The following KCNH5 variants were observed in gnomAD, a reference collection of about 807,000 sequenced individuals.
The protein encoded by KCNH5 is voltage-gated delayed rectifier potassium channel KCNH5.
KCNH5 carries 46 observed loss-of-function variants against 96.1 expected under a neutral mutation model. That is an observed-to-expected ratio of 0.48 (90% CI 0.38 to 0.61). KCNH5 has a LOEUF of 0.61. KCNH5 is among the 20% of genes least tolerant of loss of function. KCNH5 has a pLI of 0.00. For missense variants in KCNH5, 907 were observed against 1,225.8 expected, an observed-to-expected ratio of 0.74 and a Z score of 3.88; for synonymous variants, 439 against 449.8, an observed-to-expected ratio of 0.98 and a Z score of 0.30.
chr14:62,758,640 C>T (rs1172517704), intron 10 of KCNH5, among the ~76,000 whole-genome samples: 2 of 152,058 alleles, frequency 1.3e-5, no homozygotes, highest in Admixed American at 6.5e-5. Flanking sequence ...GAAGTGCTGG[C>T]GTAGAAAGAG....
intron 7 of KCNH5, among the ~76,000 whole-genome samples, chr14:62,916,951 G>C (rs781565022): frequency 6.6e-6 from 1 of 152,156 alleles, no homozygotes; most frequent in African/African-American, 2.4e-5. Context: ...TGACTGAGAA[G>C]AATCCTGAAA....
At chr14:62,721,622 AT>A (rs568494279) in intron 10 of KCNH5, among the ~76,000 whole-genome samples, 3 of 151,782 alleles carry the variant, frequency 2.0e-5, no homozygotes, top group Admixed American at 6.6e-5. Context: ...TTCTTAACAT[AT>A]TTTTTTTAAT....
At position 63,039,921 on chromosome 14, in the gene KCNH5, G is replaced by C. The variant is rs3910327; in HGVS notation, c.73+5193C>G. ...GGGGGAAGGGGGAGGTGGGAGAACA[G>C]AAAAAGAGAAAAATATTAACTACTT... On this transcript the variant is annotated intron_variant, in intron 1 of 10. Coordinates refer to ENST00000322893, the MANE Select transcript of KCNH5 (RefSeq NM_139318.5). 2.0e-5 allele frequency among the ~76,000 whole-genome samples: 3 copies of C among 151,730 alleles called. No homozygotes were observed. In the East Asian group the frequency reaches 5.8e-4, roughly 29 times the overall value.
chr14:63,035,874 TTC>T lies in KCNH5; in HGVS notation c.73+9238_73+9239del, dbSNP rs553313453. ...ACTACATCTGGGGCTTCACCAAATC[TTC>T]TGAGCAACCCTGTAAGGTAGGTGTC... On this transcript the variant is annotated intron_variant, in intron 1 of 10. Coordinates refer to ENST00000322893, the MANE Select transcript of KCNH5 (RefSeq NM_139318.5). Among the ~76,000 whole-genome samples, 11 of 152,354 alleles carry T rather than the reference TTC, an allele frequency of 7.2e-5. 1 individual carries two copies. In the South Asian group the frequency reaches 1.9e-3, roughly 26 times the overall value.
At chr14:62,762,619 T>C (rs1338986962) in intron 10 of KCNH5, among the ~76,000 whole-genome samples, 2 of 152,100 alleles carry the variant, frequency 1.3e-5, no homozygotes, top group Non-Finnish European at 1.5e-5. Context: ...ACCCACAGTA[T>C]GCTGTCTTCA....
At chr14:62,908,780 G>GCATT in intron 7 of KCNH5, among the ~76,000 whole-genome samples, 1 of 19,806 alleles carries the variant, frequency 5.0e-5, no homozygotes, top group East Asian at 2.0e-3. Context: ...ATTTTGCTTT[G>GCATT]TATTTTTTTT....
intron 7 of KCNH5, among the ~76,000 whole-genome samples, chr14:62,901,630 G>T (rs540592615): frequency 1.2e-4 from 19 of 152,292 alleles, no homozygotes; most frequent in Non-Finnish European, 2.4e-4. Context: ...GTCTACCACT[G>T]ATGGGCACCT....
intron 7 of KCNH5, among the ~76,000 whole-genome samples, chr14:62,884,447 G>A (rs1391467157): frequency 6.6e-6 from 1 of 152,194 alleles, no homozygotes; most frequent in African/African-American, 2.4e-5. Context: ...GCAACACGGT[G>A]AAACGCTGTC....
intron 7 of KCNH5, among the ~76,000 whole-genome samples, chr14:62,883,608 A>T (rs916618262): frequency 1.3e-5 from 2 of 152,192 alleles, no homozygotes; most frequent in Non-Finnish European, 2.9e-5. Flanking sequence ...ATTTGCAGAT[A>T]CAGAAAATTT....
At chr14:62,804,665 A>G (rs1370509384) in intron 8 of KCNH5, among the ~76,000 whole-genome samples, 1 of 152,292 alleles carries the variant, frequency 6.6e-6, no homozygotes, top group Non-Finnish European at 1.5e-5. Flanking sequence ...TGGGTTCAAA[A>G]CTATCACAAC....
chr14:63,038,663 T>C (rs942505259), intron 1 of KCNH5, among the ~76,000 whole-genome samples: 1 of 152,080 alleles, frequency 6.6e-6, no homozygotes, highest in African/African-American at 2.4e-5. Flanking sequence ...CTTTACTAGG[T>C]AATAGTATCC....
In KCNH5 at chr14:62,837,939, G is replaced by T. The variant is rs557440598; in HGVS notation, c.1569+11714C>A. On this transcript the variant is annotated intron_variant, in intron 8 of 10. Transcript: ENST00000322893. ...ACAGGTGGATGTAACACTGGGAGTT[G>T]GGCTGGGTTGTTTCTCATTTAACAG... Among the ~76,000 whole-genome samples the T allele has an allele frequency of 3.3e-5, 5 of 152,236 alleles. No individual in the cohort carries two copies. The South Asian group carries it at 1.0e-3, about 32-fold the overall frequency.
chr14:62,709,044 G>A (rs938351812), intron 10 of KCNH5, among the ~76,000 whole-genome samples: 1 of 151,442 alleles, frequency 6.6e-6, no homozygotes, highest in African/African-American at 2.4e-5. Context: ...AGGAGATCGA[G>A]ACCACGGTGA....
At chr14:62,970,379 T>C (rs76656249) in intron 6 of KCNH5, among the ~76,000 whole-genome samples, 2,799 of 152,206 alleles carry the variant, frequency 0.018, 72 homozygotes, top group African/African-American at 0.064. Context: ...TAGGCCCAGA[T>C]AGGTTCACAA....
At chr14:62,854,965 C>T (rs1887900926) in intron 7 of KCNH5, among the ~76,000 whole-genome samples, 1 of 151,012 alleles carries the variant, frequency 6.6e-6, no homozygotes, top group Admixed American at 6.6e-5. Flanking sequence ...TGTAGGCATA[C>T]CCTATGACTC....
At chr14:62,833,910 G>T (rs1160182827) in intron 8 of KCNH5, among the ~76,000 whole-genome samples, 1 of 151,890 alleles carries the variant, frequency 6.6e-6, no homozygotes, top group Non-Finnish European at 1.5e-5. Flanking sequence ...CTTTGACCAA[G>T]TCCCACTGTC....
intron 7 of KCNH5, among the ~76,000 whole-genome samples, chr14:62,938,651 G>C (rs1331737553): frequency 6.6e-6 from 1 of 152,160 alleles, no homozygotes; most frequent in Non-Finnish European, 1.5e-5. Flanking sequence ...TCACATATGT[G>C]AGAATCATCT....
intron 7 of KCNH5, among the ~76,000 whole-genome samples, chr14:62,885,323 A>T (rs1296839658): frequency 6.6e-6 from 1 of 152,212 alleles, no homozygotes; most frequent in Non-Finnish European, 1.5e-5. Flanking sequence ...TAAAATTATT[A>T]TGATATCACT....
At chr14:62,909,424 G>A (rs1025778572) in intron 7 of KCNH5, among the ~76,000 whole-genome samples, 4 of 152,240 alleles carry the variant, frequency 2.6e-5, no homozygotes, top group South Asian at 2.1e-4. Context: ...TTTTAATTAT[G>A]AGCAACATTG....
Sources: allele counts gnomAD v4.1 joint callset (sites outside exome capture counted in the v4.1 genomes callset), GRCh38; gene constraint gnomAD v4.1.1; transcripts MANE v1.5; gene names NCBI Gene and HGNC (gene_info 2026-07-23, HGNC 2026-07-21).